OCIAD2: variants seen among roughly 807,000 people sequenced by gnomAD.
OCIAD2 encodes the protein OCIA domain-containing protein 2.
OCIAD2 carries 29 observed loss-of-function variants against 22.9 expected under a neutral mutation model. That is an observed-to-expected ratio of 1.27 (90% CI 0.94 to 1.73). OCIAD2 has a LOEUF of 1.73. Among genes scored for constraint, OCIAD2 ranks in the 40% most tolerant of loss-of-function variants. The probability of loss-of-function intolerance (pLI) is 0.00; values close to 1 mark genes in which losing one functional copy is unlikely to be tolerated. For synonymous variants in OCIAD2, 67 were observed against 60.2 expected (o/e 1.11, Z -0.52); for missense variants, 189 against 180.3 (o/e 1.05, Z -0.28).
chr4:48,897,937 GC>G, intron 3 of OCIAD2, 80 bp from the exon 4 acceptor site: 1 of 933,112 alleles, frequency 1.1e-6, no homozygotes, highest in Non-Finnish European at 1.7e-6. Flanking sequence ...ATTATTCTGA[GC>G]TTTTTCTCTT....
chr4:48,887,395 G>C (rs1326756705), intron 6 of OCIAD2, among the ~76,000 whole-genome samples: 1 of 152,136 alleles, frequency 6.6e-6, no homozygotes, highest in Admixed American at 6.6e-5. Context: ...TGGTGTTTTA[G>C]ACATGAAGTC....
At chr4:48,902,074 G>GT (rs886064723) in intron 2 of OCIAD2, among the ~76,000 whole-genome samples, 43 of 149,924 alleles carry the variant, frequency 2.9e-4, no homozygotes, top group East Asian at 1.2e-3. Flanking sequence ...GCCCCATTAA[G>GT]TTTTTTTTTT....
intron 6 of OCIAD2, among the ~76,000 whole-genome samples, chr4:48,890,287 G>T (rs1185619869): frequency 6.6e-6 from 1 of 151,834 alleles, no homozygotes; most frequent in Non-Finnish European, 1.5e-5. Flanking sequence ...TTGTTGCTTG[G>T]TTTATGACCC....
chr4:48,894,922 T>C (rs1017170671), intron 4 of OCIAD2, among the ~76,000 whole-genome samples: 1 of 152,070 alleles, frequency 6.6e-6, no homozygotes, highest in Non-Finnish European at 1.5e-5. Context: ...AGGTAGAAAA[T>C]GGAACTAATG....
chr4:48,886,902 G>T lies in OCIAD2; in HGVS notation c.384-1337C>A, dbSNP rs1031874812. Among the ~76,000 whole-genome samples, 496 of 152,026 alleles carry T rather than the reference G, an allele frequency of 3.3e-3. 6 individuals are homozygous for T. Among genetic ancestry groups the T allele is most frequent in the African/African-American group, 0.011 (472 of 41,466 alleles). On this transcript the variant is annotated intron_variant, in intron 6 of 6. Transcript: ENST00000508632. ...AATGGTATTTCTAGTTCTAGATCCC[G>T]GAGGAATCGCCACACTGACTTCCAC...
chr4:48,887,529 G>A (rs1053190177), intron 6 of OCIAD2, among the ~76,000 whole-genome samples: 1 of 152,174 alleles, frequency 6.6e-6, no homozygotes, highest in African/African-American at 2.4e-5. Flanking sequence ...GTATAAGGAA[G>A]GGATCCAGTT....
chr4:48,888,706 A>T (rs1236407618), intron 6 of OCIAD2, among the ~76,000 whole-genome samples: 6 of 152,272 alleles, frequency 3.9e-5, no homozygotes, highest in African/African-American at 1.4e-4. Context: ...ATGGTGGATA[A>T]GCTTTTTGAT....
At position 48,899,809 on chromosome 4, in the gene OCIAD2, A is replaced by T; in HGVS notation, c.163+20T>A. 6.4e-7 allele frequency: 1 copy of T among 1,556,614 alleles called. No individual in the cohort carries two copies. Among genetic ancestry groups the T allele is most frequent in the Non-Finnish European group, 8.8e-7 (1 of 1,130,854 alleles). On this transcript the variant is annotated intron_variant, in intron 3 of 6. Transcript: ENST00000508632. ...ATTTAGGCAGTTTACTGCCACAAATACAGTGTTAGGTGCAATTACCTCTCT... is the reference window on the plus strand; with the variant it reads ...ATTTAGGCAGTTTACTGCCACAAATTCAGTGTTAGGTGCAATTACCTCTCT...
At position 48,885,336 on chromosome 4, in the gene OCIAD2, TG is replaced by T. The variant is rs1253697580; in HGVS notation, c.*147del. ...AAAAACATGTAACGCTTAGTTCACTTGAAAGCCTTCCACGGAATACATTTCA... is the reference window on the plus strand; with the variant it reads ...AAAAACATGTAACGCTTAGTTCACTTAAAGCCTTCCACGGAATACATTTCA... On this transcript the variant is annotated 3_prime_UTR_variant, in exon 7 of 7. Coordinates refer to ENST00000508632, the MANE Select transcript of OCIAD2 (RefSeq NM_001014446.3). The T allele has an allele frequency of 1.5e-6, 1 of 683,636 alleles. No homozygotes were observed. Among genetic ancestry groups the T allele is most frequent in the African/African-American group, 1.8e-5 (1 of 55,714 alleles). 42.3% of individuals were successfully genotyped at this position (683,636 alleles called of 1,614,324 possible).
chr4:48,885,311 A>AG lies in OCIAD2; in HGVS notation c.*172_*173insC. On this transcript the variant is annotated 3_prime_UTR_variant, in exon 7 of 7. Transcript: ENST00000508632. Reference sequence around the variant, plus strand: ...GCCCCGACATGTTCTTAAAGAGCAGAAAAACATGTAACGCTTAGTTCACTT... The same window carrying AG: ...GCCCCGACATGTTCTTAAAGAGCAGAGAAAACATGTAACGCTTAGTTCACTT... The AG allele has an allele frequency of 1.9e-6, 1 of 528,730 alleles. No individual in the cohort carries two copies. Among genetic ancestry groups the AG allele is most frequent in the Non-Finnish European group, 3.3e-6 (1 of 303,858 alleles). The allele number at this position is 528,730 out of a possible 1,614,324, so 32.8% of individuals were successfully genotyped here. A position where few individuals can be genotyped will look rare whatever the true frequency, so the allele number is the denominator to read the frequency against.
At chr4:48,901,568 T>C (rs1297030251) in intron 2 of OCIAD2, among the ~76,000 whole-genome samples, 1 of 152,202 alleles carries the variant, frequency 6.6e-6, no homozygotes, top group Non-Finnish European at 1.5e-5. Context: ...CTGTTTGTAC[T>C]TCTTTGATAA....
intron 5 of OCIAD2, chr4:48,893,762 A>T (rs1398119684): frequency 3.8e-6 from 1 of 262,564 alleles, no homozygotes; most frequent in East Asian, 6.8e-5. Flanking sequence ...ATTTTTCCAA[A>T]AGTCAATACA....
chr4:48,897,700 A>G (rs564013511), intron 4 of OCIAD2, 104 bp downstream of exon 4: 44 of 840,016 alleles, frequency 5.2e-5, no homozygotes, highest in East Asian at 4.4e-4. Context: ...GCATAAATAC[A>G]TCCTTCACCA....
At chr4:48,890,298 C>G (rs2109668709) in intron 6 of OCIAD2, among the ~76,000 whole-genome samples, 1 of 151,946 alleles carries the variant, frequency 6.6e-6, no homozygotes, top group South Asian at 2.1e-4. Flanking sequence ...TTTATGACCC[C>G]CAGAATTTCA....
At chr4:48,903,897 G>A (rs898511456) in intron 2 of OCIAD2, among the ~76,000 whole-genome samples, 5 of 151,604 alleles carry the variant, frequency 3.3e-5, no homozygotes, top group Non-Finnish European at 7.4e-5. Context: ...CACCCGCCTC[G>A]GCCTCCCAAA....
intron 4 of OCIAD2, among the ~76,000 whole-genome samples, chr4:48,896,582 AAAAC>A (rs1408387815): frequency 6.6e-6 from 1 of 152,078 alleles, no homozygotes; most frequent in African/African-American, 2.4e-5. Flanking sequence ...CCCTGTCTCA[AAAAC>A]AAACAAACGA....
At position 48,890,186 on chromosome 4, in the gene OCIAD2, C is replaced by T. The variant is rs181197073; in HGVS notation, c.383+2586G>A. On this transcript the variant is annotated intron_variant, in intron 6 of 6. Transcript: ENST00000508632. ...TGAGTTAATGGGTGCAGCACACCGACGTGGCACATGCATACATATGTAACA... is the reference window on the plus strand; with the variant it reads ...TGAGTTAATGGGTGCAGCACACCGATGTGGCACATGCATACATATGTAACA... 6.6e-3 allele frequency among the ~76,000 whole-genome samples: 1,006 copies of T among 151,664 alleles called. 3 individuals are homozygous for T. The highest frequency in any genetic ancestry group is 0.014 in the Middle Eastern group (4 of 294).
chr4:48,886,838 T>C (rs1207569520), intron 6 of OCIAD2, among the ~76,000 whole-genome samples: 2 of 152,208 alleles, frequency 1.3e-5, no homozygotes, highest in East Asian at 1.9e-4. Context: ...GGCTTTATAA[T>C]CCTTTGGGTA....
chr4:48,901,743 T>G (rs2109683163), intron 2 of OCIAD2, among the ~76,000 whole-genome samples: 1 of 152,236 alleles, frequency 6.6e-6, no homozygotes, highest in Non-Finnish European at 1.5e-5. Flanking sequence ...TTTGACCATT[T>G]TATTTTTATT....
Sources: allele counts gnomAD v4.1 joint callset (sites outside exome capture counted in the v4.1 genomes callset), GRCh38; gene constraint gnomAD v4.1.1; transcripts MANE v1.5; gene names NCBI Gene and HGNC (gene_info 2026-07-23, HGNC 2026-07-21).